The following GRID1 variants were observed in gnomAD, a reference collection of about 807,000 sequenced individuals.
GRID1 encodes glutamate ionotropic receptor delta type subunit 1, also known as glutamate receptor ionotropic, delta-1.
Under a neutral mutation model 98.0 loss-of-function variants are expected in GRID1, and 28 were observed. That is an observed-to-expected ratio of 0.29 (90% confidence interval 0.21 to 0.39). GRID1 has a LOEUF of 0.39. GRID1 is among the 10% of genes least tolerant of loss of function. The probability of loss-of-function intolerance (pLI) is 1.00; values close to 1 mark genes in which losing one functional copy is unlikely to be tolerated. For missense variants in GRID1, 1,111 were observed against 1,340.5 expected (o/e 0.83, Z 2.67); for synonymous variants, 553 against 538.5 (o/e 1.03, Z -0.37).
intron 3 of GRID1, among the ~76,000 whole-genome samples, chr10:86,191,250 G>A (rs1443081036): frequency 6.6e-6 from 1 of 152,124 alleles, no homozygotes; most frequent in Non-Finnish European, 1.5e-5. Flanking sequence ...CCAGAGAAGG[G>A]ACAGCCCACC....
chr10:86,191,150 G>A (rs111587038), intron 3 of GRID1, among the ~76,000 whole-genome samples: 1 of 152,156 alleles, frequency 6.6e-6, no homozygotes, highest in African/African-American at 2.4e-5. Flanking sequence ...CACCCTGGAG[G>A]AGCTTACTGT....
intron 4 of GRID1, among the ~76,000 whole-genome samples, chr10:85,919,031 G>A (rs1467376541): frequency 1.3e-5 from 2 of 152,350 alleles, no homozygotes; most frequent in African/African-American, 2.4e-5. Flanking sequence ...GTCCTGTGCT[G>A]TTTCAGAGCT....
chr10:85,881,149 C>A (rs960479911), intron 5 of GRID1, among the ~76,000 whole-genome samples: 20 of 152,178 alleles, frequency 1.3e-4, no homozygotes, highest in African/African-American at 4.6e-4. Flanking sequence ...GAAGAACATT[C>A]CATGCTCATG....
chr10:86,085,200 C>T (rs535089678), intron 4 of GRID1, among the ~76,000 whole-genome samples: 1 of 152,170 alleles, frequency 6.6e-6, no homozygotes, highest in African/African-American at 2.4e-5. Context: ...GCAGGAAAAA[C>T]CCCTCCAGGA....
At chr10:85,772,586 AAAG>A (rs1842283256) in intron 8 of GRID1, among the ~76,000 whole-genome samples, 2 of 152,228 alleles carry the variant, frequency 1.3e-5, no homozygotes, top group African/African-American at 2.4e-5. Flanking sequence ...CAAGACTAAT[AAAG>A]AAGAAAAGAG....
chr10:85,841,869 T>C (rs538668966), intron 8 of GRID1, among the ~76,000 whole-genome samples: 1 of 152,208 alleles, frequency 6.6e-6, no homozygotes, highest in African/African-American at 2.4e-5. Context: ...ACTTATATAC[T>C]GTTAGTAGGG....
intron 4 of GRID1, among the ~76,000 whole-genome samples, chr10:85,937,719 T>C (rs757925207): frequency 2.0e-5 from 3 of 152,186 alleles, no homozygotes; most frequent in Non-Finnish European, 4.4e-5. Context: ...CATTTGGCAA[T>C]GTCTGGGGAC....
intron 12 of GRID1, among the ~76,000 whole-genome samples, chr10:85,703,500 T>A (rs11201739): frequency 0.06 from 9,161 of 152,076 alleles, 530 homozygotes; most frequent in African/African-American, 0.15. Context: ...GGTCGAAGAT[T>A]CTGTAAACAA....
intron 13 of GRID1, chr10:85,645,725 C>A (rs1449884009): frequency 2.0e-5 from 3 of 152,242 alleles, no homozygotes; most frequent in African/African-American, 7.2e-5. Context: ...AGAGCCTAGA[C>A]ATCTTCTGCT....
chr10:86,346,252 T>TA (rs1292198052), intron 2 of GRID1, among the ~76,000 whole-genome samples: 2 of 152,252 alleles, frequency 1.3e-5, no homozygotes, highest in East Asian at 3.8e-4. Flanking sequence ...TTACACCCCT[T>TA]AAGAAGGCTC....
intron 2 of GRID1, among the ~76,000 whole-genome samples, chr10:86,271,463 A>C (rs140621054): frequency 1.6e-3 from 249 of 152,354 alleles, no homozygotes; most frequent in African/African-American, 5.3e-3. Context: ...AATCGATCAA[A>C]ATCAAACCAC....
chr10:86,169,566 T>A (rs955247234), intron 3 of GRID1, among the ~76,000 whole-genome samples: 9 of 152,248 alleles, frequency 5.9e-5, no homozygotes, highest in Admixed American at 3.3e-4. Context: ...AACCAAAGCC[T>A]GAAACCTCAG....
At position 85,871,514 on chromosome 10, in the gene GRID1, C is replaced by T. The variant is rs182576611; in HGVS notation, c.781-2334G>A. ...TCTTTCTAAGAAGGGACTAAGTCAG[C>T]GGTAAATTACAAGACAAAATTTTAA... On this transcript the variant is annotated intron_variant, in intron 5 of 15. Coordinates refer to ENST00000327946, the MANE Select transcript of GRID1 (RefSeq NM_017551.3). 1.2e-4 allele frequency among the ~76,000 whole-genome samples: 18 copies of T among 152,120 alleles called. 1 individual carries two copies. The highest frequency in any genetic ancestry group is 7.3e-5 in the Non-Finnish European group (5 of 68,028).
intron 13 of GRID1, among the ~76,000 whole-genome samples, chr10:85,639,691 T>C (rs1040672826): frequency 1.2e-4 from 19 of 152,166 alleles, no homozygotes; most frequent in Admixed American, 1.2e-3. Context: ...CTGGCCAACA[T>C]GGAGAAACTC....
intron 8 of GRID1, among the ~76,000 whole-genome samples, chr10:85,736,238 G>T (rs1298432303): frequency 7.8e-6 from 1 of 128,022 alleles, no homozygotes; most frequent in Non-Finnish European, 1.7e-5. Flanking sequence ...GAGAGAAGGA[G>T]GGAAGGAAGG....
chr10:85,803,594 C>T (rs1243922453), intron 8 of GRID1, among the ~76,000 whole-genome samples: 2 of 151,266 alleles, frequency 1.3e-5, no homozygotes, highest in Admixed American at 1.3e-4. Context: ...ATAACAAAAG[C>T]ATTTTCAAAA....
chr10:85,949,210 A>G (rs548575718), intron 4 of GRID1, among the ~76,000 whole-genome samples: 127 of 152,182 alleles, frequency 8.3e-4, no homozygotes, highest in Non-Finnish European at 1.5e-3. Flanking sequence ...ACTGTTATTA[A>G]AATAATAATA....
At chr10:86,073,878 A>G (rs940406398) in intron 4 of GRID1, among the ~76,000 whole-genome samples, 3 of 152,226 alleles carry the variant, frequency 2.0e-5, no homozygotes, top group African/African-American at 7.2e-5. Flanking sequence ...AGATATGGAC[A>G]GTCAGGACCG....
At chr10:85,937,154 G>C (rs1224575399) in intron 4 of GRID1, among the ~76,000 whole-genome samples, 1 of 152,154 alleles carries the variant, frequency 6.6e-6, no homozygotes. Flanking sequence ...CAGTGTCCAG[G>C]CCTCATCCCA....
Sources: gnomAD v4.1 joint callset for allele counts (sites outside exome capture counted in the v4.1 genomes callset) on GRCh38, gnomAD v4.1.1 for gene constraint, MANE v1.5 for transcripts, NCBI Gene and HGNC (gene_info 2026-07-23, HGNC 2026-07-21) for gene names.